The following PIWIL4 variants were observed in gnomAD, a reference collection of about 807,000 sequenced individuals.
The protein encoded by PIWIL4 is piwi-like protein 4.
In PIWIL4, 50 loss-of-function variants were observed where a neutral mutation model predicts 100.9. The observed-to-expected ratio is 0.50, with a 90% CI of 0.39 to 0.63. PIWIL4 has a LOEUF of 0.63. Among genes scored for constraint, PIWIL4 ranks in the 20% least tolerant of loss-of-function variants. The pLI is 0.00. For synonymous variants in PIWIL4, 342 were observed against 367.5 expected (o/e 0.93, Z 0.79); for missense variants, 887 against 1,043.3 (o/e 0.85, Z 2.06).
At chr11:94,573,999 G>A (rs187754618) in intron 2 of PIWIL4, among the ~76,000 whole-genome samples, 86 of 152,170 alleles carry the variant, frequency 5.7e-4, no homozygotes, top group African/African-American at 1.9e-3. Context: ...TTGAAACCAC[G>A]AGCAATGGCT....
chr11:94,576,573 C>T (rs902484411), intron 3 of PIWIL4, among the ~76,000 whole-genome samples: 20 of 152,268 alleles, frequency 1.3e-4, no homozygotes, highest in African/African-American at 4.8e-4. Context: ...TATATCGTGG[C>T]CATCTCTGAT....
chr11:94,573,209 A>C (rs1948184240), intron 2 of PIWIL4, among the ~76,000 whole-genome samples: 1 of 152,192 alleles, frequency 6.6e-6, no homozygotes, highest in Admixed American at 6.5e-5. Context: ...GGGGTGTTCT[A>C]GATATACAGT....
chr11:94,581,511 G>C (rs1003000986), intron 4 of PIWIL4, among the ~76,000 whole-genome samples: 1 of 152,144 alleles, frequency 6.6e-6, no homozygotes, highest in Non-Finnish European at 1.5e-5. Flanking sequence ...CAAAGGTAAA[G>C]AGAACTTTAA....
At chr11:94,600,816 C>T (rs1037123774) in intron 11 of PIWIL4, among the ~76,000 whole-genome samples, 1 of 152,120 alleles carries the variant, frequency 6.6e-6, no homozygotes, top group Admixed American at 6.6e-5. Context: ...CATTCTCTTT[C>T]TCAGGGATGT....
At position 94,616,505 on chromosome 11, in the gene PIWIL4, C is replaced by G. The variant is rs891910990; in HGVS notation, c.1956C>G (p.Arg652=). 6.9e-6 allele frequency: 11 copies of G among 1,600,238 alleles called. No individual in the cohort carries two copies. The highest frequency in any genetic ancestry group is 7.7e-6 in the Non-Finnish European group (9 of 1,175,974). The change falls in exon 16 of 20, where the codon CGC becomes CGG. Residue 652 remains arginine (R), a synonymous_variant. Coordinates refer to ENST00000299001, the MANE Select transcript of PIWIL4 (RefSeq NM_152431.3). ...VNPRITRWFS[R]CILQRTMTDV... ...TTTTTAACTTTAGGTGGTTTTCCCG[C>G]TGTATCCTTCAGAGAACAATGACTG...
At chr11:94,595,288 G>T in intron 9 of PIWIL4, 21 bp from the exon 10 acceptor site, 1 of 1,602,344 alleles carries the variant, frequency 6.2e-7, no homozygotes, top group Non-Finnish European at 8.5e-7. Flanking sequence ...TTCTCACTTT[G>T]TCTTCATTTG....
At position 94,608,824 on chromosome 11, in the gene PIWIL4, C is replaced by T. The variant is rs1948755602; in HGVS notation, c.1943+138C>T. On this transcript the variant is annotated intron_variant, in intron 15 of 19. Transcript: ENST00000299001. ...CCAACATTTAGGTTCATAAATTACA[C>T]TTACATATAAAAATGTGATTGATAA... is the stretch of plus-strand genomic sequence containing the variant. The T allele has an allele frequency of 4.8e-5, 35 of 727,870 alleles. 2 individuals are homozygous for T. The South Asian group carries it at 6.4e-4, about 13-fold the overall frequency. 45.1% of individuals were successfully genotyped at this position (727,870 alleles called of 1,614,324 possible).
In PIWIL4 at chr11:94,575,066, G is replaced by T; in HGVS notation, c.234G>T (p.Gln78His). Reference sequence around the variant, plus strand: ...TGGAAAGAGGTGTGAAAAACAAACAGGACTTTATGGATTTGAGTATCTGTA... The same window carrying T: ...TGGAAAGAGGTGTGAAAAACAAACATGACTTTATGGATTTGAGTATCTGTA... ...TFMERGVKNK[Q>H]DFMDLSICTR... Residue 78 changes from glutamine to histidine, a missense_variant, in exon 3 of 20, where the codon CAG (glutamine) becomes CAT (histidine). Gln to His is a conservative substitution (Grantham distance 24). Transcript: ENST00000299001. 1 of 1,613,776 alleles carries T rather than the reference G, an allele frequency of 6.2e-7. No individual in the cohort carries two copies. The highest frequency in any genetic ancestry group is 1.1e-5 in the South Asian group (1 of 91,064).
chr11:94,590,151 T>C (rs538439419), intron 8 of PIWIL4, among the ~76,000 whole-genome samples: 5 of 152,374 alleles, frequency 3.3e-5, no homozygotes, highest in East Asian at 3.9e-4. Context: ...CTTTAGAAAG[T>C]CATTTACACT....
rs769467671 is a variant in PIWIL4, at chr11:94,583,431, GTACCTCT to G, written c.514-15_514-9del. ...GGATAATTTGTAGGGTGCATATTAA[GTACCTCT>G]TTTTCCCAGGTCACAGAGTTGTCAA... is the stretch of plus-strand genomic sequence containing the variant. On this transcript the variant is annotated splice_polypyrimidine_tract_variant and intron_variant, in intron 4 of 19. Transcript: ENST00000299001. 1.2e-6 allele frequency: 2 copies of G among 1,612,522 alleles called. No homozygotes were observed.
intron 2 of PIWIL4, among the ~76,000 whole-genome samples, chr11:94,569,535 C>T (rs1238541776): frequency 2.0e-5 from 3 of 152,134 alleles, no homozygotes; most frequent in Non-Finnish European, 4.4e-5. Context: ...TGTGCCACCA[C>T]GCCCAGCTAA....
chr11:94,594,521 G>A (rs1015693699), intron 9 of PIWIL4, among the ~76,000 whole-genome samples: 8 of 151,786 alleles, frequency 5.3e-5, no homozygotes, highest in African/African-American at 1.9e-4. Flanking sequence ...TCCTTGAAGG[G>A]AAGGGTGTTC....
In PIWIL4 at chr11:94,575,070, T is replaced by C. The variant is rs776274553; in HGVS notation, c.238T>C (p.Phe80Leu). The change falls in exon 3 of 20, where the codon TTT becomes CTT. Residue 80 changes from phenylalanine to leucine, a missense_variant. By Grantham distance (22) the Phe-to-Leu change is conservative. Coordinates refer to ENST00000299001, the MANE Select transcript of PIWIL4 (RefSeq NM_152431.3). ...AAGAGGTGTGAAAAACAAACAGGAC[T>C]TTATGGATTTGAGTATCTGTACCAG... ...MERGVKNKQD[F>L]MDLSICTREK... The C allele has an allele frequency of 6.2e-7, 1 of 1,613,900 alleles. No individual in the cohort carries two copies. Among genetic ancestry groups the C allele is most frequent in the Non-Finnish European group, 8.5e-7 (1 of 1,179,870 alleles).
chr11:94,607,477 T>C lies in PIWIL4; in HGVS notation c.1677T>C (p.Tyr559=). ...CILPSNQKTY[Y]DSIKKYLSSD... ...TGCCTTCTAATCAGAAGACCTATTA[T>C]GATTCCATTAAAAAATATTTGAGCT... Residue 559 remains tyrosine (Y), a synonymous_variant, in exon 14 of 20, where the codon TAT becomes TAC. Coordinates refer to ENST00000299001, the MANE Select transcript of PIWIL4 (RefSeq NM_152431.3). 6.2e-7 allele frequency: 1 copy of C among 1,614,140 alleles called. No homozygotes were observed.
At chr11:94,588,021 G>A (rs1027143170) in intron 7 of PIWIL4, among the ~76,000 whole-genome samples, 1 of 152,158 alleles carries the variant, frequency 6.6e-6, no homozygotes, top group African/African-American at 2.4e-5. Context: ...AGGTAAAAGT[G>A]TGCCATGGTG....
At chr11:94,614,960 A>C (rs1948829996) in intron 15 of PIWIL4, among the ~76,000 whole-genome samples, 1 of 152,158 alleles carries the variant, frequency 6.6e-6, no homozygotes, top group Admixed American at 6.5e-5. Context: ...TGTTTGTGTG[A>C]AATGCTTGCA....
intron 13 of PIWIL4, among the ~76,000 whole-genome samples, chr11:94,605,899 A>G (rs965772634): frequency 1.3e-5 from 2 of 152,090 alleles, no homozygotes; most frequent in Non-Finnish European, 2.9e-5. Context: ...ATGTGTCTCC[A>G]TCTTTCTTGG....
rs189998013 is a variant in PIWIL4, at chr11:94,608,525, C to T, written c.1840-58C>T. 3.6e-4 allele frequency: 518 copies of T among 1,450,432 alleles called. 2 individuals are homozygous for T. The African/African-American group carries it at 6.6e-3, about 18-fold the overall frequency. The allele number at this position is 1,450,432 out of a possible 1,614,324, so 89.8% of individuals were successfully genotyped here. On this transcript the variant is annotated intron_variant, in intron 14 of 19. Transcript: ENST00000299001. ...GTTTTTAAAAACTTTCCTATTAAAC[C>T]ATTGGTAGGGGAAATGATACCTCAT...
At chr11:94,601,338 A>G (rs1234725448) in intron 11 of PIWIL4, among the ~76,000 whole-genome samples, 1 of 147,680 alleles carries the variant, frequency 6.8e-6, no homozygotes, top group African/African-American at 2.4e-5. Context: ...GCAACACTTA[A>G]CTGTTCTGTA....
Sources: gnomAD v4.1 joint callset for allele counts (sites outside exome capture counted in the v4.1 genomes callset) on GRCh38, gnomAD v4.1.1 for gene constraint, MANE v1.5 for transcripts, NCBI Gene and HGNC (gene_info 2026-07-23, HGNC 2026-07-21) for gene names.